The following CDK14 variants were observed in gnomAD, a reference collection of about 807,000 sequenced individuals.
The protein encoded by CDK14 is cyclin dependent kinase 14, also known as cyclin-dependent kinase 14.
Under a neutral mutation model 60.7 loss-of-function variants are expected in CDK14, and 34 were observed. The ratio of observed to expected loss-of-function variants is 0.56; its 90% confidence interval spans 0.43 to 0.75. CDK14 has a LOEUF of 0.75. Among genes scored for constraint, CDK14 ranks in the 30% least tolerant of loss-of-function variants. CDK14 has a pLI of 0.00. For synonymous variants in CDK14, 197 were observed against 203.7 expected (o/e 0.97, Z 0.28); for missense variants, 482 against 564.1 (o/e 0.85, Z 1.47).
At chr7:90,877,262 A>G (rs899668641) in intron 6 of CDK14, among the ~76,000 whole-genome samples, 1 of 152,194 alleles carries the variant, frequency 6.6e-6, no homozygotes, top group East Asian at 1.9e-4. Context: ...ATTGCCGTGT[A>G]TTATTAAGAT....
At chr7:90,680,293 A>G (rs1049934996) in intron 2 of CDK14, among the ~76,000 whole-genome samples, 4 of 152,082 alleles carry the variant, frequency 2.6e-5, no homozygotes, top group African/African-American at 9.7e-5. Context: ...GATGAATTTA[A>G]ATTTGGTTGT....
chr7:90,935,438 T>A (rs1230870085), intron 8 of CDK14, among the ~76,000 whole-genome samples: 1 of 152,230 alleles, frequency 6.6e-6, no homozygotes, highest in African/African-American at 2.4e-5. Flanking sequence ...GGCAAATTTT[T>A]AAATATATCT....
chr7:91,024,192 T>C (rs1263107299), intron 10 of CDK14, among the ~76,000 whole-genome samples: 1 of 152,186 alleles, frequency 6.6e-6, no homozygotes, highest in African/African-American at 2.4e-5. Context: ...CACTATATGT[T>C]ATAATGGTAT....
chr7:91,031,817 A>T (rs563636012), intron 10 of CDK14, among the ~76,000 whole-genome samples: 1 of 152,350 alleles, frequency 6.6e-6, no homozygotes, highest in South Asian at 2.1e-4. Flanking sequence ...AAATATCCAT[A>T]TGGGAATGTC....
intron 7 of CDK14, among the ~76,000 whole-genome samples, chr7:90,912,646 C>T (rs1466580072): frequency 6.6e-6 from 1 of 152,130 alleles, no homozygotes; most frequent in African/African-American, 2.4e-5. Context: ...CTCACTTGGT[C>T]GCTCAGGCTG....
intron 11 of CDK14, among the ~76,000 whole-genome samples, chr7:91,076,369 C>G (rs1200063215): frequency 1.3e-5 from 2 of 150,526 alleles, no homozygotes; most frequent in African/African-American, 2.4e-5. Flanking sequence ...ATCTGATCTT[C>G]GACAAACCTG....
At chr7:91,045,861 A>G in intron 10 of CDK14, 36 bp from the exon 11 acceptor site, 5 of 1,373,364 alleles carry the variant, frequency 3.6e-6, no homozygotes, top group Non-Finnish European at 5.2e-6. Flanking sequence ...TTTGGAAATA[A>G]TAAGGCTGTT....
chr7:91,015,161 C>G (rs891369965), intron 10 of CDK14, among the ~76,000 whole-genome samples: 1 of 152,010 alleles, frequency 6.6e-6, no homozygotes, highest in Admixed American at 6.6e-5. Context: ...CTCTTCTTAT[C>G]TGTGTCAACC....
At chr7:90,640,818 C>T (rs566900507) in intron 2 of CDK14, among the ~76,000 whole-genome samples, 170 of 151,778 alleles carry the variant, frequency 1.1e-3, no homozygotes, top group African/African-American at 3.7e-3. Flanking sequence ...TAAATGTATC[C>T]AGAGAAATAA....
At position 90,757,242 on chromosome 7, in the gene CDK14, GTGTGTGTGTC is replaced by G. The variant is rs1285852835; in HGVS notation, c.464+9483_464+9492del. Among the ~76,000 whole-genome samples the G allele has an allele frequency of 4.2e-3, 567 of 134,984 alleles. 2 individuals are homozygous for G. Among genetic ancestry groups the G allele is most frequent in the East Asian group, 0.012 (33 of 2,718 alleles). 88.6% of individuals were successfully genotyped at this position (134,984 alleles called of 152,430 possible). A position where few individuals can be genotyped will look rare whatever the true frequency, so the allele number is the denominator to read the frequency against. On this transcript the variant is annotated intron_variant, in intron 4 of 14. Coordinates refer to ENST00000380050, the MANE Select transcript of CDK14 (RefSeq NM_001287135.2). ...TGTGTGTGTGTGTGTGTGTGTGTGTGTGTGTGTGTCTGTGTGTGTCTGTGTCCAAGTTTTC... is the reference window on the plus strand; with the variant it reads ...TGTGTGTGTGTGTGTGTGTGTGTGTGTGTGTGTGTCTGTGTCCAAGTTTTC...
chr7:90,765,174 G>A (rs760931703), intron 4 of CDK14, among the ~76,000 whole-genome samples: 3 of 152,202 alleles, frequency 2.0e-5, no homozygotes, highest in Non-Finnish European at 4.4e-5. Context: ...GAGGCCTACT[G>A]GGAGTCCCAA....
chr7:90,747,663 C>T lies in CDK14; in HGVS notation c.370-18C>T. On this transcript the variant is annotated intron_variant, in intron 3 of 14. Transcript: ENST00000380050. The stretch of plus-strand genomic sequence containing the variant: ...ATTTGATACAATCTGTTTTGTTTAC[C>T]CTGTGCTTCATTTTTAGCCAACAAG... 2.7e-6 allele frequency: 4 copies of T among 1,462,304 alleles called. No homozygotes were observed. The highest frequency in any genetic ancestry group is 1.2e-5 in the South Asian group (1 of 81,308). 90.6% of individuals were successfully genotyped at this position (1,462,304 alleles called of 1,614,324 possible). A position where few individuals can be genotyped will look rare whatever the true frequency, so the allele number is the denominator to read the frequency against.
intron 2 of CDK14, among the ~76,000 whole-genome samples, chr7:90,651,850 A>G (rs1352080583): frequency 6.6e-6 from 1 of 152,082 alleles, no homozygotes; most frequent in African/African-American, 2.4e-5. Flanking sequence ...GGTCCTAGAC[A>G]TCCAGGTTAT....
chr7:90,925,380 GC>G (rs542788190), intron 8 of CDK14, among the ~76,000 whole-genome samples: 122 of 152,278 alleles, frequency 8.0e-4, no homozygotes, highest in African/African-American at 2.8e-3. Flanking sequence ...CAGTGAGTTG[GC>G]TAAATTAAGT....
At chr7:91,181,901 T>C (rs945065566) in intron 14 of CDK14, among the ~76,000 whole-genome samples, 7 of 152,178 alleles carry the variant, frequency 4.6e-5, no homozygotes, top group Non-Finnish European at 8.8e-5. Flanking sequence ...GTCTACAAAT[T>C]GTGAGGTCAC....
rs538917241 is a variant in CDK14, at chr7:90,653,763, C to T, written c.123+49514C>T. Among the ~76,000 whole-genome samples, 16 of 152,278 alleles carry T rather than the reference C, an allele frequency of 1.1e-4. No individual in the cohort carries two copies. In the South Asian group the frequency reaches 2.7e-3, roughly 26 times the overall value. Reference sequence around the variant, plus strand: ...ATACATGTGCCATGTTGGTGTGCTGCACCCATTAACTCGTCATTTACATTA... The same window carrying T: ...ATACATGTGCCATGTTGGTGTGCTGTACCCATTAACTCGTCATTTACATTA... On this transcript the variant is annotated intron_variant, in intron 2 of 14. Transcript: ENST00000380050.
At chr7:90,796,171 T>C (rs1788420499) in intron 5 of CDK14, among the ~76,000 whole-genome samples, 1 of 152,086 alleles carries the variant, frequency 6.6e-6, no homozygotes, top group Non-Finnish European at 1.5e-5. Context: ...CAGGGCTGTG[T>C]AGGTGGGATC....
intron 12 of CDK14, among the ~76,000 whole-genome samples, chr7:91,092,133 A>ACT (rs1285870320): frequency 6.6e-6 from 1 of 152,234 alleles, no homozygotes; most frequent in East Asian, 1.9e-4. Flanking sequence ...GGGTTTTCTT[A>ACT]AAGCCACAGA....
chr7:90,632,439 G>T, intron 2 of CDK14: 1 of 217,436 alleles, frequency 4.6e-6, no homozygotes, highest in Non-Finnish European at 1.0e-5. Flanking sequence ...TGGGTGTGGC[G>T]CTGCAAGATG....
Sources: gnomAD v4.1 joint callset for allele counts (sites outside exome capture counted in the v4.1 genomes callset) on GRCh38, gnomAD v4.1.1 for gene constraint, MANE v1.5 for transcripts, NCBI Gene and HGNC (gene_info 2026-07-23, HGNC 2026-07-21) for gene names.